Variants in SYT10 observed in about 807,000 individuals in gnomAD.
SYT10 encodes the protein synaptotagmin 10, also known as synaptotagmin-10.
A neutral mutation model predicts 51.1 loss-of-function variants in SYT10; 31 were observed. That is an observed-to-expected ratio of 0.61 (90% CI 0.46 to 0.82). The LOEUF (loss-of-function observed/expected upper bound fraction) is 0.82. SYT10 is among the 40% of genes least tolerant of loss of function. SYT10 has a pLI of 0.00. For missense variants in SYT10, 603 were observed against 634.0 expected, an observed-to-expected ratio of 0.95 and a Z score of 0.53; for synonymous variants, 233 against 225.9, an observed-to-expected ratio of 1.03 and a Z score of -0.28.
intron 3 of SYT10, among the ~76,000 whole-genome samples, chr12:33,397,602 C>G (rs11052680): frequency 0.61 from 92,514 of 151,208 alleles, 29,431 homozygotes; most frequent in East Asian, 0.89. Flanking sequence ...GAGAACAGCA[C>G]TCACTGAACC....
At chr12:33,439,348 C>G in intron 1 of SYT10, 24 bp downstream of exon 1, 1 of 1,601,558 alleles carries the variant, frequency 6.2e-7, no homozygotes, top group Non-Finnish European at 8.5e-7. Flanking sequence ...AGCGCGAGGA[C>G]GCGAGCGGAG....
intron 3 of SYT10, among the ~76,000 whole-genome samples, chr12:33,403,879 A>T (rs934994897): frequency 5.3e-5 from 8 of 152,202 alleles, no homozygotes; most frequent in Admixed American, 4.6e-4. Context: ...ATACTACTCT[A>T]ACCATAATAT....
chr12:33,379,796 A>G (rs774668064), intron 6 of SYT10, 36 bp downstream of exon 6: 2 of 1,610,600 alleles, frequency 1.2e-6, no homozygotes, highest in South Asian at 1.1e-5. Context: ...AAAAGAGACA[A>G]CAAAAAGAGC....
chr12:33,389,608 T>A (rs1866186964), intron 3 of SYT10, among the ~76,000 whole-genome samples: 1 of 152,026 alleles, frequency 6.6e-6, no homozygotes. Flanking sequence ...AATTCAGTGA[T>A]ATATTAGGAA....
intron 3 of SYT10, among the ~76,000 whole-genome samples, chr12:33,400,610 A>G (rs1344718320): frequency 6.6e-6 from 1 of 152,190 alleles, no homozygotes; most frequent in Non-Finnish European, 1.5e-5. Flanking sequence ...TAGGTAAGTA[A>G]ATAAATACAT....
chr12:33,397,924 G>A (rs1204424699), intron 3 of SYT10, among the ~76,000 whole-genome samples: 2 of 152,118 alleles, frequency 1.3e-5, no homozygotes, highest in Non-Finnish European at 2.9e-5. Context: ...CTTTGAGTGA[G>A]GTGAAATTGA....
intron 3 of SYT10, among the ~76,000 whole-genome samples, chr12:33,398,606 T>C (rs1017306335): frequency 6.6e-6 from 1 of 152,192 alleles, no homozygotes; most frequent in African/African-American, 2.4e-5. Context: ...GAAAACTTTC[T>C]GACTTGAATA....
chr12:33,394,103 G>A (rs1446997225), intron 3 of SYT10, among the ~76,000 whole-genome samples: 1 of 151,790 alleles, frequency 6.6e-6, no homozygotes, highest in Non-Finnish European at 1.5e-5. Flanking sequence ...GTGTGTTTGG[G>A]CACAATTTTC....
At position 33,407,027 on chromosome 12, in the gene SYT10, T is replaced by A; in HGVS notation, c.839A>T (p.Lys280Ile). Residue 280 changes from lysine (K) to isoleucine (I), a missense_variant, in exon 3 of 7, where the codon AAA becomes ATA. Coordinates refer to ENST00000228567, the MANE Select transcript of SYT10 (RefSeq NM_198992.4). Reference sequence around the variant, plus strand: ...GTGCACGCGGGTCTGAAATTTCTTTTTCCTATCTGGAAGAAGATACATCTT... The same window carrying A: ...GTGCACGCGGGTCTGAAATTTCTTTATCCTATCTGGAAGAAGATACATCTT... ...YVKMYLLPDR[K>I]KKFQTRVHRK... 6.2e-7 allele frequency: 1 copy of A among 1,614,170 alleles called. No homozygotes were observed. The highest frequency in any genetic ancestry group is 8.5e-7 in the Non-Finnish European group (1 of 1,180,032).
rs555286093 is a variant in SYT10 at position 33,413,238 on chromosome 12, A to T, written c.510-5882T>A. ...TACCTGAAAGTGACGGAGAGAATGG[A>T]ACCAAGTTGGAAAACACTCTGCTGG... On this transcript the variant is annotated intron_variant, in intron 2 of 6. Transcript: ENST00000228567. 1.8e-4 allele frequency among the ~76,000 whole-genome samples: 28 copies of T among 152,358 alleles called. No individual in the cohort carries two copies. The East Asian group carries it at 5.2e-3, about 28-fold the overall frequency.
intron 3 of SYT10, among the ~76,000 whole-genome samples, chr12:33,391,095 C>T (rs537385713): frequency 8.5e-5 from 13 of 152,262 alleles, no homozygotes; most frequent in African/African-American, 2.9e-4. Flanking sequence ...TGCCACCAAG[C>T]CTAGCAAATT....
intron 2 of SYT10, among the ~76,000 whole-genome samples, chr12:33,422,147 T>C (rs1866511023): frequency 1.3e-5 from 2 of 151,976 alleles, no homozygotes; most frequent in African/African-American, 4.8e-5. Context: ...ATTTTCTGCC[T>C]AAGAAAGCAG....
At chr12:33,395,983 T>C (rs1385812764) in intron 3 of SYT10, among the ~76,000 whole-genome samples, 1 of 152,196 alleles carries the variant, frequency 6.6e-6, no homozygotes, top group African/African-American at 2.4e-5. Flanking sequence ...GCTCTTCTAC[T>C]AATCAGCTTT....
chr12:33,377,158 G>A (rs1028406823), intron 6 of SYT10, among the ~76,000 whole-genome samples: 5 of 152,124 alleles, frequency 3.3e-5, no homozygotes, highest in African/African-American at 1.2e-4. Context: ...ATTTATGACA[G>A]CAGAATAATT....
intron 1 of SYT10, among the ~76,000 whole-genome samples, chr12:33,426,935 A>G (rs1866558096): frequency 6.6e-6 from 1 of 152,204 alleles, no homozygotes. Flanking sequence ...ATTTCTGTAA[A>G]CGGTTTTCAA....
At chr12:33,376,964 T>G in intron 6 of SYT10, 63 bp from the exon 7 acceptor site, 1 of 1,530,958 alleles carries the variant, frequency 6.5e-7, no homozygotes, top group Non-Finnish European at 9.0e-7. Context: ...TGGTTAGTTG[T>G]TGCTCCCTTT....
At chr12:33,410,631 C>T (rs950309014) in intron 2 of SYT10, among the ~76,000 whole-genome samples, 6 of 152,116 alleles carry the variant, frequency 3.9e-5, no homozygotes, top group African/African-American at 9.7e-5. Flanking sequence ...TGAAAGATCT[C>T]GTCCTCCACA....
chr12:33,389,196 T>A (rs1475405197), intron 3 of SYT10, among the ~76,000 whole-genome samples: 1 of 152,154 alleles, frequency 6.6e-6, no homozygotes, highest in Admixed American at 6.5e-5. Context: ...GATGTAGTTG[T>A]TTGATGTCTT....
chr12:33,383,711 T>C (rs566967327), intron 4 of SYT10, among the ~76,000 whole-genome samples: 6 of 152,288 alleles, frequency 3.9e-5, no homozygotes, highest in Admixed American at 2.0e-4. Context: ...CCGTCACGTC[T>C]CTGACTACAT....
Sources: allele counts gnomAD v4.1 joint callset (sites outside exome capture counted in the v4.1 genomes callset), GRCh38; gene constraint gnomAD v4.1.1; transcripts MANE v1.5; gene names NCBI Gene and HGNC (gene_info 2026-07-23, HGNC 2026-07-21).